VAC14: variants seen among roughly 807,000 people sequenced by gnomAD.
VAC14 encodes VAC14 component of PIKFYVE complex, also known as protein VAC14 homolog.
A neutral mutation model predicts 85.3 loss-of-function variants in VAC14; 47 were observed. The observed-to-expected ratio is 0.55, with a 90% CI of 0.44 to 0.70. The LOEUF (loss-of-function observed/expected upper bound fraction) is 0.70. VAC14 is among the 30% of genes least tolerant of loss of function. The pLI is 0.00. For synonymous variants in VAC14, 447 were observed against 430.5 expected (o/e 1.04, Z -0.47); for missense variants, 861 against 1,004.3 (o/e 0.86, Z 1.93).
chr16:70,715,751 GGAAGAC>G (rs1361739774), intron 14 of VAC14: 1 of 152,328 alleles, frequency 6.6e-6, no homozygotes, highest in Non-Finnish European at 1.5e-5. Flanking sequence ...GTGGGCTAAT[GGAAGAC>G]GCGTATGCGG....
At chr16:70,707,072 T>C (rs2053934453) in intron 14 of VAC14, among the ~76,000 whole-genome samples, 1 of 152,204 alleles carries the variant, frequency 6.6e-6, no homozygotes, top group South Asian at 2.1e-4. Context: ...AACCTTAGGA[T>C]AGGGAGAGGA....
chr16:70,798,609 G>A (rs1030976779), intron 1 of VAC14, among the ~76,000 whole-genome samples: 1 of 152,232 alleles, frequency 6.6e-6, no homozygotes, highest in Admixed American at 6.5e-5. Flanking sequence ...CATGACTGGA[G>A]AAGGTTGGAA....
chr16:70,688,241 G>A (rs1032688944), intron 18 of VAC14, 151 bp from the exon 19 acceptor site: 13 of 1,276,128 alleles, frequency 1.0e-5, no homozygotes, highest in African/African-American at 1.7e-5. Flanking sequence ...CCGTCATGGC[G>A]GGCCCCAGAG....
At chr16:70,795,840 A>T (rs763790251) in intron 1 of VAC14, among the ~76,000 whole-genome samples, 2 of 152,204 alleles carry the variant, frequency 1.3e-5, no homozygotes, top group African/African-American at 2.4e-5. Context: ...CTCAAAGCTC[A>T]GGACCACTAG....
intron 1 of VAC14, among the ~76,000 whole-genome samples, chr16:70,799,527 G>A (rs1567618630): frequency 6.6e-6 from 1 of 152,144 alleles, no homozygotes; most frequent in Non-Finnish European, 1.5e-5. Flanking sequence ...GTTGTCAACC[G>A]GGGCAATTTT....
intron 14 of VAC14, among the ~76,000 whole-genome samples, chr16:70,707,519 G>A (rs2053943730): frequency 6.6e-6 from 1 of 152,088 alleles, no homozygotes; most frequent in South Asian, 2.1e-4. Flanking sequence ...AGACACCTGT[G>A]CTGGGCTCAT....
chr16:70,772,539 C>A (rs1047842019), intron 9 of VAC14: 19 of 184,552 alleles, frequency 1.0e-4, no homozygotes, highest in African/African-American at 4.2e-4. Context: ...CTACTGTACA[C>A]CCATCAGGAT....
intron 1 of VAC14, among the ~76,000 whole-genome samples, chr16:70,786,687 A>C (rs533319697): frequency 2.0e-4 from 30 of 152,332 alleles, no homozygotes; most frequent in Admixed American, 1.9e-3. Flanking sequence ...TCTTTATTCA[A>C]CACTTACTCA....
intron 14 of VAC14, among the ~76,000 whole-genome samples, chr16:70,702,981 G>A (rs1381685652): frequency 6.6e-6 from 1 of 152,220 alleles, no homozygotes; most frequent in African/African-American, 2.4e-5. Flanking sequence ...ACAGCTGACC[G>A]GAGGAGGAGG....
At chr16:70,759,269 G>A (rs2032120051) in intron 12 of VAC14, among the ~76,000 whole-genome samples, 1 of 152,204 alleles carries the variant, frequency 6.6e-6, no homozygotes. Context: ...TATACAAAGA[G>A]CTGCTACAGA....
chr16:70,692,910 G>A lies in VAC14; in HGVS notation c.2097C>T (p.Gly699=). 1 of 1,610,226 alleles carries A rather than the reference G, an allele frequency of 6.2e-7. No homozygotes were observed. The highest frequency in any genetic ancestry group is 8.5e-7 in the Non-Finnish European group (1 of 1,179,100). Residue 699 remains glycine, a synonymous_variant, in exon 18 of 19, where the codon GGC becomes GGT. Transcript: ENST00000261776. ...TGCTCTGCGGCAGGAGCATGAGCAG[G>A]CCGTAGAGGGCCTTGATCAGGTAGG... is the stretch of plus-strand genomic sequence containing the variant. ...NNPYLIKALY[G]LLMLLPQSSA...
At chr16:70,693,403 G>A (rs764574937) in intron 17 of VAC14, among the ~76,000 whole-genome samples, 4 of 152,234 alleles carry the variant, frequency 2.6e-5, no homozygotes, top group Admixed American at 6.5e-5. Flanking sequence ...GTGCCAGCAC[G>A]GGAGAGCTAT....
intron 13 of VAC14, among the ~76,000 whole-genome samples, chr16:70,738,943 C>T (rs1360010583): frequency 6.6e-6 from 1 of 152,214 alleles, no homozygotes; most frequent in Non-Finnish European, 1.5e-5. Context: ...ATGTGAACTT[C>T]ACCACCCACC....
intron 17 of VAC14, among the ~76,000 whole-genome samples, chr16:70,694,607 G>C (rs1567520024): frequency 6.6e-6 from 1 of 152,242 alleles, no homozygotes; most frequent in Non-Finnish European, 1.5e-5. Flanking sequence ...GACGCTGCCA[G>C]AGAGTGGGAG....
chr16:70,703,666 A>G (rs1212441194), intron 14 of VAC14, among the ~76,000 whole-genome samples: 1 of 152,182 alleles, frequency 6.6e-6, no homozygotes, highest in Non-Finnish European at 1.5e-5. Context: ...TGCCGCCTGG[A>G]CAGCTGCTCC....
Position 70,762,455 on chromosome 16 carries a change from T to A in VAC14, c.1371+85A>T. On this transcript the variant is annotated intron_variant, in intron 12 of 18. Coordinates refer to ENST00000261776, the MANE Select transcript of VAC14 (RefSeq NM_018052.5). This position sits in a 1 kb window ranked among gnomAD's most constrained non-coding sequence, Gnocchi z 4.1. Reference sequence around the variant, plus strand: ...CTTTACCTCTAGGAAGGATGCACTGTACCAAAATAAGCATATCTCAGTCAC... The same window carrying A: ...CTTTACCTCTAGGAAGGATGCACTGAACCAAAATAAGCATATCTCAGTCAC... The A allele has an allele frequency of 7.4e-7, 1 of 1,360,500 alleles. No individual in the cohort carries two copies. Among genetic ancestry groups the A allele is most frequent in the Non-Finnish European group, 1.0e-6 (1 of 961,836 alleles). The allele number at this position is 1,360,500 out of a possible 1,614,324, so 84.3% of individuals were successfully genotyped here.
intron 14 of VAC14, among the ~76,000 whole-genome samples, chr16:70,706,086 G>T (rs1435978604): frequency 6.6e-6 from 1 of 152,128 alleles, no homozygotes; most frequent in Non-Finnish European, 1.5e-5. Flanking sequence ...ACCCCAGCAG[G>T]TCCAATTCTC....
chr16:70,691,805 G>T, intron 18 of VAC14: 1 of 985,410 alleles, frequency 1.0e-6, no homozygotes. Flanking sequence ...GGGTGGGAGG[G>T]GCAGTGGGAG....
chr16:70,744,331 G>A lies in VAC14; in HGVS notation c.1528+92C>T, dbSNP rs1597922226. On this transcript the variant is annotated intron_variant, in intron 13 of 18. Transcript: ENST00000261776. Reference sequence around the variant, plus strand: ...ACCCTGGCAGAGCTCCAGAGCTCCTGAGCAACAACCCAAAGGACCGCCATG... The same window carrying A: ...ACCCTGGCAGAGCTCCAGAGCTCCTAAGCAACAACCCAAAGGACCGCCATG... 9.1e-6 allele frequency: 14 copies of A among 1,534,450 alleles called. No homozygotes were observed. The South Asian group carries it at 1.0e-4, about 11-fold the overall frequency.
Sources: gnomAD v4.1 joint callset for allele counts (sites outside exome capture counted in the v4.1 genomes callset) on GRCh38, gnomAD v4.1.1 for gene constraint, Gnocchi (gnomAD v3.1) non-coding constraint, MANE v1.5 for transcripts, NCBI Gene and HGNC (gene_info 2026-07-23, HGNC 2026-07-21) for gene names.